The following ASAP2 variants were observed in gnomAD, a reference collection of about 807,000 sequenced individuals.
ASAP2 encodes the protein ArfGAP with SH3 domain, ankyrin repeat and PH domain 2.
A neutral mutation model predicts 131.4 loss-of-function variants in ASAP2; 45 were observed. The observed-to-expected ratio is 0.34, with a 90% CI of 0.27 to 0.44. The LOEUF (loss-of-function observed/expected upper bound fraction) is 0.44. ASAP2 is among the 20% of genes least tolerant of loss of function. ASAP2 has a pLI of 1.00. For synonymous variants in ASAP2, 510 were observed against 503.0 expected (o/e 1.01, Z -0.19); for missense variants, 1,011 against 1,297.0 (o/e 0.78, Z 3.39).
rs539925346 is a variant in ASAP2 at position 9,359,159 on chromosome 2, A to C, written c.1461+270A>C. Among the ~76,000 whole-genome samples the C allele has an allele frequency of 1.5e-3, 227 of 152,332 alleles. 1 individual carries two copies. The highest frequency in any genetic ancestry group is 2.6e-3 in the Non-Finnish European group (175 of 68,020). On this transcript the variant is annotated intron_variant, in intron 15 of 27. Transcript: ENST00000281419. The stretch of plus-strand genomic sequence containing the variant: ...GTGGTGTGAGATTCTACAGAAATGG[A>C]GTAAGATGGTGACATAGACCAGCTC...
At chr2:9,299,661 C>G (rs1356555146) in intron 3 of ASAP2, among the ~76,000 whole-genome samples, 1 of 152,214 alleles carries the variant, frequency 6.6e-6, no homozygotes, top group African/African-American at 2.4e-5. Flanking sequence ...GCAGCCAGCC[C>G]AGGACGGCTG....
chr2:9,334,855 T>C, intron 8 of ASAP2, 42 bp downstream of exon 8: 1 of 1,561,428 alleles, frequency 6.4e-7, no homozygotes, highest in South Asian at 1.1e-5. Flanking sequence ...ACCATCTTAA[T>C]GCAACAGACA....
At chr2:9,388,571 T>A (rs1403366049) in intron 22 of ASAP2, 25 bp downstream of exon 22, 2 of 1,604,410 alleles carry the variant, frequency 1.2e-6, no homozygotes, top group East Asian at 2.2e-5. Context: ...GTCATCCCTG[T>A]GAATATATAG....
At chr2:9,358,361 C>T (rs1418039865) in intron 14 of ASAP2, among the ~76,000 whole-genome samples, 1 of 152,232 alleles carries the variant, frequency 6.6e-6, no homozygotes, top group Admixed American at 6.5e-5. Context: ...TCCCCTTTTA[C>T]AAGTAGACTT....
In ASAP2 at chr2:9,355,844, G is replaced by T. The variant is rs118090627; in HGVS notation, c.1112-203G>T. Among the ~76,000 whole-genome samples, 157 of 152,272 alleles carry T rather than the reference G, an allele frequency of 1.0e-3. 5 individuals are homozygous for T. The South Asian group carries it at 0.018, about 17-fold the overall frequency. On this transcript the variant is annotated intron_variant, in intron 12 of 27. Coordinates refer to ENST00000281419, the MANE Select transcript of ASAP2 (RefSeq NM_003887.3). ...TTTTAAAACTTGAATGAGGGAAAGG[G>T]CAGGTTTATTTTGCATTAGAATGCC...
At chr2:9,290,251 A>G (rs1388232386) in intron 2 of ASAP2, among the ~76,000 whole-genome samples, 1 of 152,196 alleles carries the variant, frequency 6.6e-6, no homozygotes, top group African/African-American at 2.4e-5. Flanking sequence ...TGTGTCACCC[A>G]GGCTGGAGTG....
Position 9,311,465 on chromosome 2 carries a change from A to G in ASAP2, c.346-7059A>G, listed in dbSNP as rs1353516611. ...GTTGCACTCGATGTTTTAAAAAGCC[A>G]TTTTACATAATATATTTGTTAAAAG... On this transcript the variant is annotated intron_variant, in intron 3 of 27. Coordinates refer to ENST00000281419, the MANE Select transcript of ASAP2 (RefSeq NM_003887.3). The surrounding 1 kb of genome is among the most constrained non-coding windows in gnomAD (Gnocchi z 5.2). Among the ~76,000 whole-genome samples, 4 of 152,230 alleles carry G rather than the reference A, an allele frequency of 2.6e-5. No homozygotes were observed. The highest frequency in any genetic ancestry group is 4.8e-5 in the African/African-American group (2 of 41,452).
At chr2:9,295,768 A>G (rs1668113867) in intron 2 of ASAP2, among the ~76,000 whole-genome samples, 1 of 152,222 alleles carries the variant, frequency 6.6e-6, no homozygotes, top group Admixed American at 6.5e-5. Flanking sequence ...TAAAAAAGAA[A>G]AAGGACTCAA....
intron 1 of ASAP2, among the ~76,000 whole-genome samples, chr2:9,275,082 G>GTTT (rs753527243): frequency 0.021 from 2,694 of 128,814 alleles, 40 homozygotes; most frequent in Middle Eastern, 0.031. Context: ...TCATTTGTCT[G>GTTT]TTTTTTTTTT....
intron 4 of ASAP2, 83 bp downstream of exon 4, chr2:9,318,681 C>A: frequency 1.2e-6 from 1 of 863,228 alleles, no homozygotes; most frequent in African/African-American, 1.7e-5. Context: ...GCAGCAGCCA[C>A]GCCAGTACGT....
At chr2:9,397,750 ATTT>A (rs1172660637) in intron 24 of ASAP2, among the ~76,000 whole-genome samples, 7 of 44,808 alleles carry the variant, frequency 1.6e-4, no homozygotes, top group Non-Finnish European at 2.1e-4. Flanking sequence ...ATATATATAT[ATTT>A]TTTTTTTTTT....
chr2:9,343,203 G>T (rs188076897), intron 9 of ASAP2, among the ~76,000 whole-genome samples: 5 of 152,296 alleles, frequency 3.3e-5, no homozygotes, highest in Non-Finnish European at 7.3e-5. Flanking sequence ...AAGGAGCTCT[G>T]CACCTGGAGC....
intron 1 of ASAP2, among the ~76,000 whole-genome samples, chr2:9,248,223 C>T (rs1048671516): frequency 6.6e-6 from 1 of 152,206 alleles, no homozygotes; most frequent in Non-Finnish European, 1.5e-5. Context: ...GCCACGCAGG[C>T]CTGTGTTCCG....
chr2:9,380,219 G>T (rs1674730669), intron 19 of ASAP2, among the ~76,000 whole-genome samples: 1 of 151,586 alleles, frequency 6.6e-6, no homozygotes, highest in Admixed American at 6.6e-5. Flanking sequence ...TTTTTTTGAG[G>T]CAGAGTCTCG....
chr2:9,216,453 ATTTTTTTT>A (rs999787414), intron 1 of ASAP2, among the ~76,000 whole-genome samples: 3 of 85,420 alleles, frequency 3.5e-5, no homozygotes, highest in Non-Finnish European at 6.8e-5. Context: ...TGCCTGTTTA[ATTTTTTTT>A]TTTTTTTTTT....
intron 7 of ASAP2, among the ~76,000 whole-genome samples, chr2:9,333,271 C>CTTG (rs1031614668): frequency 1.1e-4 from 17 of 152,208 alleles, no homozygotes; most frequent in Admixed American, 9.8e-4. Flanking sequence ...ATGGCATGTG[C>CTTG]TTGAAATACA....
chr2:9,267,270 CAGTT>C (rs1204462598), intron 1 of ASAP2, among the ~76,000 whole-genome samples: 13 of 152,114 alleles, frequency 8.5e-5, no homozygotes, highest in Admixed American at 2.6e-4. Context: ...TAGTACCCAA[CAGTT>C]AGTTTTTCAG....
intron 5 of ASAP2, among the ~76,000 whole-genome samples, chr2:9,322,104 G>C (rs1429167191): frequency 1.3e-5 from 2 of 152,166 alleles, no homozygotes; most frequent in Non-Finnish European, 2.9e-5. Context: ...GGACCCTCCA[G>C]TCACACTCCT....
chr2:9,267,171 G>A (rs141387850), intron 1 of ASAP2, among the ~76,000 whole-genome samples: 84 of 151,892 alleles, frequency 5.5e-4, no homozygotes, highest in African/African-American at 2.0e-3. Context: ...TTTAGATCGG[G>A]GGGTACATGT....
Sources: allele counts gnomAD v4.1 joint callset (sites outside exome capture counted in the v4.1 genomes callset), GRCh38; gene constraint gnomAD v4.1.1; non-coding constraint Gnocchi (gnomAD v3.1); transcripts MANE v1.5; gene names NCBI Gene and HGNC (gene_info 2026-07-23, HGNC 2026-07-21).